The following ANO3 variants were observed in gnomAD, a reference collection of about 807,000 sequenced individuals.
ANO3 encodes anoctamin-3.
A neutral mutation model predicts 144.8 loss-of-function variants in ANO3; 99 were observed. The ratio of observed to expected loss-of-function variants is 0.68; its 90% CI spans 0.58 to 0.81. The LOEUF is 0.81. ANO3 is among the 30% of genes least tolerant of loss of function. ANO3 has a pLI of 0.00. For missense variants in ANO3, 905 were observed against 1,202.2 expected (o/e 0.75, Z 3.66); for synonymous variants, 414 against 392.6 (o/e 1.05, Z -0.64).
intron 1 of ANO3, among the ~76,000 whole-genome samples, chr11:26,387,307 C>G (rs7949503): frequency 0.27 from 40,097 of 151,142 alleles, 5,897 homozygotes; most frequent in African/African-American, 0.4. Context: ...GATAAAAGTA[C>G]GATCTTAGAC....
intron 5 of ANO3, among the ~76,000 whole-genome samples, chr11:26,513,820 C>T (rs1278858917): frequency 1.3e-5 from 2 of 152,090 alleles, no homozygotes; most frequent in Non-Finnish European, 2.9e-5. Flanking sequence ...TGTCAAACAT[C>T]TCAGTCTGGA....
chr11:26,308,898 T>C (rs1854443181), upstream of ANO3, among the ~76,000 whole-genome samples: 1 of 152,216 alleles, frequency 6.6e-6, no homozygotes, highest in South Asian at 2.1e-4. Flanking sequence ...ATTTTTATTT[T>C]TACAGCATTT....
chr11:26,596,450 A>G (rs1052411239), intron 14 of ANO3, among the ~76,000 whole-genome samples: 10 of 152,190 alleles, frequency 6.6e-5, no homozygotes, highest in Non-Finnish European at 1.5e-4. Context: ...CTGGGTTATC[A>G]ATTCTAAGGC....
At chr11:26,270,883 A>G (rs915686509) in intron 1 of ANO3, among the ~76,000 whole-genome samples, 1 of 152,216 alleles carries the variant, frequency 6.6e-6, no homozygotes, top group Non-Finnish European at 1.5e-5. Context: ...CTGAATCATG[A>G]AAAATATAGC....
At chr11:26,563,274 CA>C (rs751594123) in intron 14 of ANO3, 30 of 1,574,172 alleles carry the variant, frequency 1.9e-5, no homozygotes, top group Middle Eastern at 1.7e-4. Flanking sequence ...TTCTACAGGA[CA>C]AAAAAAATTT....
chr11:26,501,320 G>T (rs1861185225), intron 4 of ANO3, among the ~76,000 whole-genome samples: 4 of 152,248 alleles, frequency 2.6e-5, no homozygotes, highest in Middle Eastern at 3.4e-3. Flanking sequence ...TGCTTCCTGT[G>T]TCCTGCCTCA....
At chr11:26,602,087 G>A (rs909354516) in intron 17 of ANO3, among the ~76,000 whole-genome samples, 6 of 152,150 alleles carry the variant, frequency 3.9e-5, no homozygotes, top group African/African-American at 9.7e-5. Flanking sequence ...AGACTTGAAT[G>A]GAAGAAGAGA....
At chr11:26,576,227 A>T (rs1179545415) in intron 14 of ANO3, among the ~76,000 whole-genome samples, 1 of 152,206 alleles carries the variant, frequency 6.6e-6, no homozygotes, top group Non-Finnish European at 1.5e-5. Context: ...AATTGCCATC[A>T]CGTTTCCAAG....
chr11:26,535,422 G>A (rs10767553), intron 9 of ANO3, among the ~76,000 whole-genome samples: 116,838 of 151,916 alleles, frequency 0.77, 45,016 homozygotes, highest in East Asian at 0.84. Context: ...TAGGGGTGAC[G>A]AAATGCTTGA....
chr11:26,359,670 G>A (rs940596836), intron 1 of ANO3, among the ~76,000 whole-genome samples: 2 of 151,916 alleles, frequency 1.3e-5, no homozygotes, highest in African/African-American at 4.8e-5. Context: ...AACCCCATTT[G>A]GATTTCCTCT....
chr11:26,543,739 C>T (rs904923887), intron 11 of ANO3, among the ~76,000 whole-genome samples: 4 of 151,984 alleles, frequency 2.6e-5, no homozygotes, highest in Admixed American at 1.3e-4. Context: ...ATAGTTTGCT[C>T]AGAATGATGG....
intron 1 of ANO3, among the ~76,000 whole-genome samples, chr11:26,392,469 T>C (rs973820634): frequency 2.0e-5 from 3 of 152,054 alleles, no homozygotes; most frequent in Non-Finnish European, 4.4e-5. Context: ...TACCTTTTTT[T>C]AGATCTGAGG....
chr11:26,319,652 C>G (rs765564847), intron 1 of ANO3, among the ~76,000 whole-genome samples: 2 of 152,126 alleles, frequency 1.3e-5, no homozygotes, highest in Non-Finnish European at 2.9e-5. Flanking sequence ...CCTTTGTTAA[C>G]ATATCCTATA....
intron 1 of ANO3, among the ~76,000 whole-genome samples, chr11:26,393,212 C>G (rs1284469054): frequency 6.6e-6 from 1 of 152,052 alleles, no homozygotes; most frequent in Non-Finnish European, 1.5e-5. Context: ...CATTTTATGC[C>G]TTTGTGAATC....
intron 1 of ANO3, among the ~76,000 whole-genome samples, chr11:26,401,452 T>G (rs1231890281): frequency 6.6e-6 from 1 of 152,070 alleles, no homozygotes; most frequent in East Asian, 1.9e-4. Flanking sequence ...GTAACCTTAA[T>G]AGCTGAACAA....
At chr11:26,561,933 A>G in intron 14 of ANO3, among the ~76,000 whole-genome samples, 1 of 151,858 alleles carries the variant, frequency 6.6e-6, no homozygotes, top group South Asian at 2.1e-4. Flanking sequence ...AGGTATCATC[A>G]TTTGCTTATC....
intron 4 of ANO3, among the ~76,000 whole-genome samples, chr11:26,472,215 C>A (rs1590390991): frequency 6.6e-6 from 1 of 151,896 alleles, no homozygotes; most frequent in Non-Finnish European, 1.5e-5. Context: ...TTTGAGCATA[C>A]TGAAAGTCAA....
chr11:26,225,750 C>T (rs1418325397), intron 1 of ANO3, among the ~76,000 whole-genome samples: 1 of 152,016 alleles, frequency 6.6e-6, no homozygotes, highest in Non-Finnish European at 1.5e-5. Context: ...TTCTTTTTGG[C>T]CTAGTACTTT....
At chr11:26,573,812 ACT>A (rs201035782) in intron 14 of ANO3, among the ~76,000 whole-genome samples, 2,018 of 152,174 alleles carry the variant, frequency 0.013, 70 homozygotes, top group Admixed American at 0.08. Context: ...ACCTACCCTC[ACT>A]GTCTTGAGCA....
Sources: gnomAD v4.1 joint callset for allele counts (sites outside exome capture counted in the v4.1 genomes callset) on GRCh38, gnomAD v4.1.1 for gene constraint, MANE v1.5 for transcripts, NCBI Gene and HGNC (gene_info 2026-07-23, HGNC 2026-07-21) for gene names.